Variants in STK39 observed in about 807,000 individuals in gnomAD.
The protein encoded by STK39 is STE20/SPS1-related proline-alanine-rich protein kinase.
Under a neutral mutation model 77.8 loss-of-function variants are expected in STK39, and 20 were observed. The observed-to-expected ratio is 0.26, with a 90% confidence interval of 0.18 to 0.37. The LOEUF (loss-of-function observed/expected upper bound fraction) is 0.37, where lower values mean the gene tolerates loss of function less well. Among genes scored for constraint, STK39 ranks in the 10% least tolerant of loss-of-function variants. STK39 has a pLI of 1.00. For synonymous variants in STK39, 246 were observed against 234.1 expected (o/e 1.05, Z -0.47); for missense variants, 479 against 656.5 (o/e 0.73, Z 2.95).
intron 10 of STK39, among the ~76,000 whole-genome samples, chr2:168,120,195 A>C (rs140080705): frequency 9.2e-5 from 14 of 152,350 alleles, no homozygotes; most frequent in African/African-American, 3.4e-4. Flanking sequence ...AACCTATTTA[A>C]CATATCTTAT....
chr2:167,963,033 G>A (rs756158458), intron 17 of STK39, among the ~76,000 whole-genome samples: 2 of 152,176 alleles, frequency 1.3e-5, no homozygotes, highest in Non-Finnish European at 2.9e-5. Context: ...TAGGGCAGTG[G>A]AAACACTGTG....
At chr2:168,154,840 T>A (rs1382486014) in intron 5 of STK39, among the ~76,000 whole-genome samples, 1 of 152,066 alleles carries the variant, frequency 6.6e-6, no homozygotes, top group Non-Finnish European at 1.5e-5. Flanking sequence ...ACCAAACATC[T>A]AATGTTTACC....
chr2:167,992,559 G>C (rs1266494639), intron 16 of STK39, among the ~76,000 whole-genome samples: 1 of 152,142 alleles, frequency 6.6e-6, no homozygotes, highest in Non-Finnish European at 1.5e-5. Context: ...GAATTCCATA[G>C]GCAAAGAGGC....
chr2:168,242,558 A>ATAT (rs1166980342), intron 1 of STK39, among the ~76,000 whole-genome samples: 1 of 63,600 alleles, frequency 1.6e-5, no homozygotes, highest in African/African-American at 7.6e-5. Context: ...AAAAAAAAAA[A>ATAT]AAATATATAT....
Position 168,201,226 on chromosome 2 carries a change from C to T in STK39, c.209-19136G>A, listed in dbSNP as rs185326534. Among the ~76,000 whole-genome samples, 49 of 152,368 alleles carry T rather than the reference C, an allele frequency of 3.2e-4. No homozygotes were observed. The East Asian group carries it at 9.4e-3, about 29-fold the overall frequency. Reference sequence around the variant, plus strand: ...TTAAGTATATGATGGGACATTCCTTCCGAGATTTTCTTTTTAAATATTTAA... The same window carrying T: ...TTAAGTATATGATGGGACATTCCTTTCGAGATTTTCTTTTTAAATATTTAA... On this transcript the variant is annotated intron_variant, in intron 1 of 17. Transcript: ENST00000355999.
At position 168,209,419 on chromosome 2, in the gene STK39, G is replaced by A. The variant is rs546654541; in HGVS notation, c.209-27329C>T. 5.3e-5 allele frequency among the ~76,000 whole-genome samples: 8 copies of A among 152,310 alleles called. No individual in the cohort carries two copies. In the South Asian group the frequency reaches 1.0e-3, roughly 20 times the overall value. ...AGGCCTGGCGCGGTGGCTCACGCCTGTAATCCCAGCACTTTGGGAGGCGGA... is the reference window on the plus strand; with the variant it reads ...AGGCCTGGCGCGGTGGCTCACGCCTATAATCCCAGCACTTTGGGAGGCGGA... On this transcript the variant is annotated intron_variant, in intron 1 of 17. Coordinates refer to ENST00000355999, the MANE Select transcript of STK39 (RefSeq NM_013233.3).
At chr2:168,208,145 C>T (rs1342029522) in intron 1 of STK39, among the ~76,000 whole-genome samples, 2 of 152,126 alleles carry the variant, frequency 1.3e-5, no homozygotes, top group African/African-American at 4.8e-5. Context: ...AGAAAGTGTC[C>T]TCATAATGTT....
chr2:168,237,664 C>T (rs1048287981), intron 1 of STK39, among the ~76,000 whole-genome samples: 11 of 152,074 alleles, frequency 7.2e-5, no homozygotes, highest in Non-Finnish European at 1.2e-4. Context: ...AGGGTTGGAG[C>T]CTGGGATTCT....
chr2:168,246,578 G>C (rs368909769), intron 1 of STK39, among the ~76,000 whole-genome samples: 1 of 152,214 alleles, frequency 6.6e-6, no homozygotes, highest in African/African-American at 2.4e-5. Context: ...TGGCACGGAG[G>C]GAGGCGGGTA....
At chr2:168,044,145 A>T (rs938336784) in intron 14 of STK39, among the ~76,000 whole-genome samples, 1 of 152,194 alleles carries the variant, frequency 6.6e-6, no homozygotes, top group Non-Finnish European at 1.5e-5. Flanking sequence ...AGCACAAGTA[A>T]ATAACAATAG....
intron 16 of STK39, among the ~76,000 whole-genome samples, chr2:167,976,509 G>T (rs1358510804): frequency 1.3e-5 from 2 of 152,174 alleles, no homozygotes; most frequent in Non-Finnish European, 2.9e-5. Flanking sequence ...AGAGGAGCCT[G>T]AATTCTGGTA....
chr2:168,036,380 G>T (rs1185312931), intron 14 of STK39, among the ~76,000 whole-genome samples: 2 of 152,096 alleles, frequency 1.3e-5, no homozygotes, highest in Non-Finnish European at 2.9e-5. Context: ...GTCATGATGT[G>T]CCTTTGGAGG....
chr2:168,190,149 C>A (rs919319562), intron 1 of STK39, among the ~76,000 whole-genome samples: 3 of 152,170 alleles, frequency 2.0e-5, no homozygotes, highest in Admixed American at 2.0e-4. Context: ...GCCCTTCCAC[C>A]TAGACCACTG....
At chr2:168,074,425 C>T (rs16854642) in intron 12 of STK39, among the ~76,000 whole-genome samples, 4,546 of 152,208 alleles carry the variant, frequency 0.03, 222 homozygotes, top group African/African-American at 0.1. Flanking sequence ...AAATCAAATA[C>T]GATCTCTTAA....
intron 17 of STK39, among the ~76,000 whole-genome samples, chr2:167,961,702 A>G (rs1026344550): frequency 1.3e-5 from 2 of 152,214 alleles, no homozygotes; most frequent in Non-Finnish European, 2.9e-5. Flanking sequence ...GGCCATACCA[A>G]CAATGGAAAT....
In STK39 at chr2:168,140,632, T is replaced by G; in HGVS notation, c.738+17A>C. ...TGTACTATGTCCATCAAAAAGTCAC[T>G]TTTTTTGTTTTTTTACCTGTTCCAT... On this transcript the variant is annotated intron_variant, in intron 6 of 17. Transcript: ENST00000355999. 1 of 1,573,868 alleles carries G rather than the reference T, an allele frequency of 6.4e-7. No individual in the cohort carries two copies. The highest frequency in any genetic ancestry group is 1.2e-5 in the South Asian group (1 of 86,208).
At position 168,247,556 on chromosome 2, in the gene STK39, G is replaced by GCCGCCGCCGTCC. The variant is rs1553465780; in HGVS notation, c.-122_-121insGGACGGCGGCGG. The GCCGCCGCCGTCC allele has an allele frequency of 2.7e-6, 2 of 744,968 alleles. No homozygotes were observed. Among genetic ancestry groups the GCCGCCGCCGTCC allele is most frequent in the African/African-American group, 3.8e-5 (2 of 53,108 alleles). 46.1% of individuals were successfully genotyped at this position (744,968 alleles called of 1,614,324 possible). A position where few individuals can be genotyped will look rare whatever the true frequency, so the allele number is the denominator to read the frequency against. ...CACGCCCTCCCCGCCCGCCGCCGCC[G>GCCGCCGCCGTCC]CCGCCGTCCCCGCCGAAGCCAGCTA... On this transcript the variant is annotated 5_prime_UTR_variant, in exon 1 of 18. Coordinates refer to ENST00000355999, the MANE Select transcript of STK39 (RefSeq NM_013233.3).
chr2:168,236,290 T>G (rs1168149372), intron 1 of STK39, among the ~76,000 whole-genome samples: 1 of 152,230 alleles, frequency 6.6e-6, no homozygotes, highest in Non-Finnish European at 1.5e-5. Context: ...TCGCCCACTT[T>G]TTGATGGGGT....
chr2:168,101,549 C>T (rs1686826346), intron 10 of STK39, among the ~76,000 whole-genome samples: 1 of 151,916 alleles, frequency 6.6e-6, no homozygotes, highest in Non-Finnish European at 1.5e-5. Context: ...ACCAGACTGG[C>T]CAACATGGTG....
Sources: allele counts gnomAD v4.1 joint callset (sites outside exome capture counted in the v4.1 genomes callset), GRCh38; gene constraint gnomAD v4.1.1; transcripts MANE v1.5; gene names NCBI Gene and HGNC (gene_info 2026-07-23, HGNC 2026-07-21).